The following ANO3 variants were observed in gnomAD, a reference collection of about 807,000 sequenced individuals.
ANO3 encodes anoctamin 3, also known as anoctamin-3.
ANO3 carries 99 observed loss-of-function variants against 144.8 expected under a neutral mutation model. The ratio of observed to expected loss-of-function variants is 0.68; its 90% CI spans 0.58 to 0.81. The LOEUF is 0.81. ANO3 is among the 30% of genes least tolerant of loss of function. The pLI, the probability that ANO3 is intolerant of heterozygous loss-of-function variation, is 0.00. For missense variants in ANO3, 905 were observed against 1,202.2 expected (o/e 0.75, Z 3.66); for synonymous variants, 414 against 392.6 (o/e 1.05, Z -0.64).
chr11:26,473,896 A>G, intron 4 of ANO3: 2 of 923,862 alleles, frequency 2.2e-6, no homozygotes, highest in Non-Finnish European at 2.6e-6. Flanking sequence ...AGTTATCTTT[A>G]AAAAAAAATG....
In ANO3 at chr11:26,294,092, C is replaced by G. The variant is rs376379240; in HGVS notation, c.155-15553C>G. ...TGTGCAGTGGAAGCTGAAAGAATAA[C>G]AGTAGAAAGTGGGCCCGGTGGAAAT... On this transcript the variant is annotated intron_variant, in intron 1 of 27. Transcript: ENST00000672621. Among the ~76,000 whole-genome samples the G allele has an allele frequency of 3.9e-5, 6 of 152,124 alleles. No individual in the cohort carries two copies. In the East Asian group the frequency reaches 1.2e-3, roughly 29 times the overall value.
At chr11:26,374,219 ATTG>A (rs375492922) in intron 1 of ANO3, among the ~76,000 whole-genome samples, 3 of 152,296 alleles carry the variant, frequency 2.0e-5, no homozygotes, top group African/African-American at 4.8e-5. Context: ...TCTCATTTCT[ATTG>A]TTATTTGAGT....
chr11:26,306,607 T>G (rs1355896816), upstream of ANO3, among the ~76,000 whole-genome samples: 1 of 152,122 alleles, frequency 6.6e-6, no homozygotes, highest in African/African-American at 2.4e-5. Flanking sequence ...AAGGCTGCAG[T>G]GAGCCCTGAT....
At chr11:26,487,464 G>C (rs902063042) in intron 4 of ANO3, among the ~76,000 whole-genome samples, 5 of 152,132 alleles carry the variant, frequency 3.3e-5, no homozygotes, top group African/African-American at 1.2e-4. Context: ...CAGTTAATTG[G>C]TACCAGTAGA....
In ANO3 at chr11:26,634,914, G is replaced by C. The variant is rs559140770; in HGVS notation, c.1986-99G>C. The C allele has an allele frequency of 4.4e-5, 40 of 912,228 alleles. No individual in the cohort carries two copies. In the African/African-American group the frequency reaches 6.1e-4, roughly 14 times the overall value. 56.5% of individuals were successfully genotyped at this position (912,228 alleles called of 1,614,324 possible). ...CTGGGGACAGATTGCACCAGTGAGC[G>C]TTTATGTCTACCCACACATGCACTC... On this transcript the variant is annotated intron_variant, in intron 19 of 26. Coordinates refer to ENST00000256737, the MANE Select transcript of ANO3 (RefSeq NM_031418.4).
At chr11:26,449,264 T>C (rs1010407310) in intron 3 of ANO3, among the ~76,000 whole-genome samples, 1 of 152,192 alleles carries the variant, frequency 6.6e-6, no homozygotes, top group Non-Finnish European at 1.5e-5. Context: ...TGGATTTTTC[T>C]TCATAATACT....
At chr11:26,271,060 G>A (rs1004352510) in intron 1 of ANO3, among the ~76,000 whole-genome samples, 3 of 152,126 alleles carry the variant, frequency 2.0e-5, no homozygotes, top group African/African-American at 7.2e-5. Flanking sequence ...GATCTTGGAG[G>A]GATGAATATA....
intron 1 of ANO3, among the ~76,000 whole-genome samples, chr11:26,263,759 T>C (rs866703561): frequency 6.6e-6 from 1 of 152,178 alleles, no homozygotes; most frequent in Non-Finnish European, 1.5e-5. Flanking sequence ...ATATAATTCA[T>C]TCACATCATA....
intron 1 of ANO3, among the ~76,000 whole-genome samples, chr11:26,221,786 TAAAC>T (rs1448543876): frequency 3.9e-5 from 6 of 152,050 alleles, no homozygotes; most frequent in Non-Finnish European, 7.4e-5. Context: ...CCACACACTT[TAAAC>T]AATCAGATCT....
In ANO3 at chr11:26,595,460, G is replaced by GTTTTTTTTTTTTTTTT. The variant is rs201712393; in HGVS notation, c.1448-2893_1448-2878dup. On this transcript the variant is annotated intron_variant, in intron 14 of 26. Transcript: ENST00000256737. ...TTTGACTCAGTATTGAGATAGAGTTGTTTTTTTTTTTTTTTTTTTTTTTTT... is the reference window on the plus strand; with the variant it reads ...TTTGACTCAGTATTGAGATAGAGTTGTTTTTTTTTTTTTTTTTTTTTTTTTTTTTTTTTTTTTTTTT... 1.6e-3 allele frequency among the ~76,000 whole-genome samples: 163 copies of GTTTTTTTTTTTTTTTT among 101,354 alleles called. 13 individuals are homozygous for GTTTTTTTTTTTTTTTT. Among genetic ancestry groups the GTTTTTTTTTTTTTTTT allele is most frequent in the African/African-American group, 3.0e-3 (72 of 23,932 alleles). The allele number at this position is 101,354 out of a possible 152,430, so 66.5% of individuals were successfully genotyped here.
intron 1 of ANO3, among the ~76,000 whole-genome samples, chr11:26,229,691 G>A (rs1292444459): frequency 1.3e-5 from 2 of 151,782 alleles, no homozygotes; most frequent in Non-Finnish European, 2.9e-5. Context: ...CATTTCCTGG[G>A]TCGACAGCAC....
At chr11:26,507,289 T>C (rs1861472582) in intron 4 of ANO3, among the ~76,000 whole-genome samples, 1 of 152,206 alleles carries the variant, frequency 6.6e-6, no homozygotes, top group Admixed American at 6.5e-5. Context: ...GGCAACAGTT[T>C]TCAAAGGATT....
chr11:26,452,197 C>A (rs1204653009), intron 3 of ANO3, among the ~76,000 whole-genome samples: 1 of 152,232 alleles, frequency 6.6e-6, no homozygotes, highest in African/African-American at 2.4e-5. Flanking sequence ...CAAAGGAATG[C>A]AGTTCCTCAC....
intron 1 of ANO3, among the ~76,000 whole-genome samples, chr11:26,374,615 T>C (rs1389431632): frequency 6.6e-6 from 1 of 152,240 alleles, no homozygotes; most frequent in Non-Finnish European, 1.5e-5. Context: ...CCATGATAAA[T>C]TGATGGACTC....
At chr11:26,246,744 T>C (rs1590214221) in intron 1 of ANO3, among the ~76,000 whole-genome samples, 1 of 151,656 alleles carries the variant, frequency 6.6e-6, no homozygotes, top group African/African-American at 2.4e-5. Context: ...GTCATGGGGG[T>C]GGGTTTTTCC....
intron 24 of ANO3, among the ~76,000 whole-genome samples, chr11:26,651,427 A>G (rs955518645): frequency 6.6e-6 from 1 of 152,168 alleles, no homozygotes; most frequent in African/African-American, 2.4e-5. Flanking sequence ...TTATTCTTCA[A>G]CCAAAACAAC....
At chr11:26,320,359 A>AGG (rs1248830387) in intron 1 of ANO3, among the ~76,000 whole-genome samples, 2 of 152,204 alleles carry the variant, frequency 1.3e-5, no homozygotes, top group Non-Finnish European at 2.9e-5. Context: ...AAAGGGAAGG[A>AGG]GATTCTGGAG....
At chr11:26,487,987 G>A (rs1860530853) in intron 4 of ANO3, among the ~76,000 whole-genome samples, 1 of 152,100 alleles carries the variant, frequency 6.6e-6, no homozygotes. Context: ...CCAACATGTT[G>A]AAACCCCATC....
chr11:26,239,260 T>C (rs1309586799), intron 1 of ANO3, among the ~76,000 whole-genome samples: 1 of 152,160 alleles, frequency 6.6e-6, no homozygotes, highest in African/African-American at 2.4e-5. Context: ...GACTTCCATA[T>C]TCATGTGGGA....
Sources: allele counts gnomAD v4.1 joint callset (sites outside exome capture counted in the v4.1 genomes callset), GRCh38; gene constraint gnomAD v4.1.1; transcripts MANE v1.5; gene names NCBI Gene and HGNC (gene_info 2026-07-23, HGNC 2026-07-21).